DOCK3: variants seen among roughly 807,000 people sequenced by gnomAD.
DOCK3 encodes dedicator of cytokinesis 3.
DOCK3 carries 60 observed loss-of-function variants against 265.6 expected under a neutral mutation model. The ratio of observed to expected loss-of-function variants is 0.23; its 90% CI spans 0.18 to 0.28. DOCK3 has a LOEUF of 0.28. DOCK3 is among the 10% of genes least tolerant of loss of function. The pLI is 1.00. For synonymous variants in DOCK3, 881 were observed against 938.0 expected (o/e 0.94, Z 1.11); for missense variants, 1,981 against 2,594.3 (o/e 0.76, Z 5.14).
intron 5 of DOCK3, among the ~76,000 whole-genome samples, chr3:50,943,756 C>T (rs1395451505): frequency 2.0e-5 from 3 of 152,130 alleles, no homozygotes; most frequent in East Asian, 1.9e-4. Flanking sequence ...TAATTTGCTA[C>T]GTTTACCTTT....
chr3:50,803,992 C>T (rs1301116906), intron 2 of DOCK3, among the ~76,000 whole-genome samples: 4 of 151,090 alleles, frequency 2.6e-5, no homozygotes, highest in Admixed American at 6.6e-5. Context: ...ACAGGGCGGC[C>T]GGGCAGAGAC....
chr3:51,339,406 G>A (rs1383417657), intron 37 of DOCK3, among the ~76,000 whole-genome samples: 1 of 152,172 alleles, frequency 6.6e-6, no homozygotes, highest in Admixed American at 6.5e-5. Flanking sequence ...CAAAGCTGGA[G>A]CTAAGGTTAT....
chr3:50,703,870 T>C (rs1405295316), intron 1 of DOCK3, among the ~76,000 whole-genome samples: 1 of 152,006 alleles, frequency 6.6e-6, no homozygotes, highest in Non-Finnish European at 1.5e-5. Flanking sequence ...TCCTTGGAGG[T>C]ACATTGGTAG....
chr3:50,839,363 TACTC>T lies in DOCK3; in HGVS notation c.122-2310_122-2307del, dbSNP rs1360997258. On this transcript the variant is annotated intron_variant, in intron 2 of 52. Transcript: ENST00000266037. ...ATTTGGGTAAATATAAGGAATGGAT[TACTC>T]AATCGTATGGTAACAATATGTTTAG... 7.9e-5 allele frequency among the ~76,000 whole-genome samples: 12 copies of T among 152,320 alleles called. No individual in the cohort carries two copies. The South Asian group carries it at 8.3e-4, about 11-fold the overall frequency.
intron 21 of DOCK3, among the ~76,000 whole-genome samples, chr3:51,240,972 A>G (rs1332891751): frequency 6.6e-6 from 1 of 152,084 alleles, no homozygotes; most frequent in Non-Finnish European, 1.5e-5. Context: ...TCCTGTTATG[A>G]TGTTAGCTGG....
rs2090342040 is a variant in DOCK3 at position 51,226,697 on chromosome 3, T to C, written c.1378-586T>C. Among the ~76,000 whole-genome samples, 4 of 152,220 alleles carry C rather than the reference T, an allele frequency of 2.6e-5. No individual in the cohort carries two copies. The South Asian group carries it at 6.2e-4, about 24-fold the overall frequency. ...GTGGACAGGGACCTACTCTGGCTTA[T>C]GTGGCCCAAAGCTTCCTGTTGTCCA... On this transcript the variant is annotated intron_variant, in intron 15 of 52. Coordinates refer to ENST00000266037, the MANE Select transcript of DOCK3 (RefSeq NM_004947.5).
At chr3:51,142,941 C>T (rs2085128842) in intron 9 of DOCK3, among the ~76,000 whole-genome samples, 1 of 151,928 alleles carries the variant, frequency 6.6e-6, no homozygotes, top group South Asian at 2.1e-4. Context: ...GGCTGGAGTG[C>T]AATGGTACAA....
intron 5 of DOCK3, among the ~76,000 whole-genome samples, chr3:50,944,860 T>C (rs1488115757): frequency 6.6e-6 from 1 of 152,148 alleles, no homozygotes; most frequent in African/African-American, 2.4e-5. Flanking sequence ...TTCAGGAGGC[T>C]GAGGCAGGAG....
intron 9 of DOCK3, among the ~76,000 whole-genome samples, chr3:51,123,586 GCT>G (rs966570299): frequency 1.2e-4 from 19 of 152,274 alleles, no homozygotes; most frequent in African/African-American, 4.6e-4. Flanking sequence ...GCTTCTTTGT[GCT>G]CTCTGTCTCA....
At chr3:50,750,169 A>C (rs2039700462) in intron 1 of DOCK3, among the ~76,000 whole-genome samples, 1 of 152,092 alleles carries the variant, frequency 6.6e-6, no homozygotes, top group Non-Finnish European at 1.5e-5. Context: ...AATCTAACTA[A>C]TGACTGATGA....
chr3:51,325,321 T>C (rs2084029311), intron 32 of DOCK3, among the ~76,000 whole-genome samples: 1 of 152,162 alleles, frequency 6.6e-6, no homozygotes, highest in Non-Finnish European at 1.5e-5. Context: ...AAGCTCATCA[T>C]CACTGGTCAT....
intron 1 of DOCK3, chr3:50,719,711 A>T: frequency 6.9e-7 from 1 of 1,448,948 alleles, no homozygotes; most frequent in Non-Finnish European, 9.7e-7. Flanking sequence ...TATGCTTCAG[A>T]GTGAAGTTCT....
At chr3:51,260,396 GT>G in intron 23 of DOCK3, 70 bp downstream of exon 23, 1 of 1,485,120 alleles carries the variant, frequency 6.7e-7, no homozygotes, top group Non-Finnish European at 9.0e-7. Flanking sequence ...TTGTCCTCTG[GT>G]TTTCAGAGAT....
rs112984000 is a variant in DOCK3 at position 50,791,195 on chromosome 3, G to A, written c.121+12437G>A. On this transcript the variant is annotated intron_variant, in intron 2 of 52. Transcript: ENST00000266037. ...AAATCTTTGCCTGTTCCTATGTTCC[G>A]AATGGTATTGGCCTAGGTGATCTAT... Among the ~76,000 whole-genome samples the A allele has an allele frequency of 1.2e-4, 18 of 151,084 alleles. 2 individuals are homozygous for A. The highest frequency in any genetic ancestry group is 2.4e-4 in the African/African-American group (10 of 41,218).
chr3:50,876,063 C>T (rs892967398), intron 3 of DOCK3, among the ~76,000 whole-genome samples: 6 of 152,046 alleles, frequency 3.9e-5, no homozygotes, highest in Admixed American at 1.3e-4. Flanking sequence ...AATAAGATTA[C>T]TGCTGCTATA....
intron 2 of DOCK3, among the ~76,000 whole-genome samples, chr3:50,835,095 TCA>T (rs1318838612): frequency 2.0e-5 from 3 of 152,206 alleles, no homozygotes; most frequent in Non-Finnish European, 2.9e-5. Context: ...ATTCCATTGT[TCA>T]CACACAGACT....
intron 23 of DOCK3, among the ~76,000 whole-genome samples, chr3:51,260,949 A>G (rs1378021928): frequency 6.6e-6 from 1 of 152,030 alleles, no homozygotes. Flanking sequence ...GCACCACTGC[A>G]CTCCAGCCTG....
intron 2 of DOCK3, among the ~76,000 whole-genome samples, chr3:50,819,962 A>G (rs189504977): frequency 3.9e-5 from 6 of 152,298 alleles, no homozygotes; most frequent in Admixed American, 2.6e-4. Flanking sequence ...ACTCCGTCTC[A>G]AAATAAAAAA....
chr3:51,060,194 A>AAG (rs2081362100), intron 5 of DOCK3, among the ~76,000 whole-genome samples: 1 of 151,504 alleles, frequency 6.6e-6, no homozygotes, highest in South Asian at 2.1e-4. Flanking sequence ...TATAAAAAAA[A>AAG]AGAAACTGTT....
Sources: gnomAD v4.1 joint callset for allele counts (sites outside exome capture counted in the v4.1 genomes callset) on GRCh38, gnomAD v4.1.1 for gene constraint, MANE v1.5 for transcripts, NCBI Gene and HGNC (gene_info 2026-07-23, HGNC 2026-07-21) for gene names.